Variants in RAD51B observed in about 807,000 individuals in gnomAD.
RAD51B encodes RAD51 paralog B.
RAD51B carries 38 observed loss-of-function variants against 42.2 expected under a neutral mutation model. That is an observed-to-expected ratio of 0.90 (90% CI 0.70 to 1.18). The LOEUF is 1.18. RAD51B is among the 50% of genes most tolerant of loss of function. The probability of loss-of-function intolerance (pLI) is 0.00; values close to 1 mark genes in which losing one functional copy is unlikely to be tolerated. For missense variants in RAD51B, 373 were observed against 400.7 expected, an observed-to-expected ratio of 0.93 and a Z score of 0.59; for synonymous variants, 154 against 145.2, an observed-to-expected ratio of 1.06 and a Z score of -0.43.
intron 4 of RAD51B, among the ~76,000 whole-genome samples, chr14:67,864,363 A>G (rs139171383): frequency 6.6e-6 from 1 of 152,374 alleles, no homozygotes; most frequent in East Asian, 1.9e-4. Context: ...GACATTTCAA[A>G]GTAGGAATCA....
intron 10 of RAD51B, among the ~76,000 whole-genome samples, chr14:68,602,094 C>G (rs1891241087): frequency 6.6e-6 from 1 of 152,048 alleles, no homozygotes; most frequent in African/African-American, 2.4e-5. Flanking sequence ...CCAAAGACCT[C>G]TCTGCACTGT....
intron 10 of RAD51B, among the ~76,000 whole-genome samples, chr14:68,582,094 A>G (rs1470695570): frequency 1.3e-5 from 2 of 152,238 alleles, no homozygotes; most frequent in African/African-American, 4.8e-5. Context: ...GGACATAAGC[A>G]TGGGCAAAGA....
rs978871453 is a variant in RAD51B at position 68,663,733 on chromosome 14, A to G, written c.*11+12877A>G. On this transcript the variant is annotated intron_variant, in intron 11 of 11. Coordinates refer to the RAD51B transcript ENST00000488612. ...GGAGGGAGTGTAGGTGTTGGTGAGA[A>G]TAGCATAAGAGTTAAAGGCACGGAA... Among the ~76,000 whole-genome samples, 8 of 152,124 alleles carry G rather than the reference A, an allele frequency of 5.3e-5. No homozygotes were observed. In the South Asian group the frequency reaches 1.7e-3, roughly 32 times the overall value.
intron 10 of RAD51B, among the ~76,000 whole-genome samples, chr14:68,603,530 G>T (rs1891311101): frequency 6.6e-6 from 1 of 152,034 alleles, no homozygotes; most frequent in African/African-American, 2.4e-5. Flanking sequence ...CGATTTGGGG[G>T]TCTGTTCTCA....
chr14:68,031,690 C>T (rs1472881534), intron 7 of RAD51B, among the ~76,000 whole-genome samples: 1 of 152,086 alleles, frequency 6.6e-6, no homozygotes, highest in Non-Finnish European at 1.5e-5. Context: ...TTCAATGAAT[C>T]AATGAATGAA....
chr14:68,400,726 A>G (rs2140048695), intron 8 of RAD51B, among the ~76,000 whole-genome samples: 1 of 152,360 alleles, frequency 6.6e-6, no homozygotes, highest in Non-Finnish European at 1.5e-5. Flanking sequence ...AGCTAAATTT[A>G]AAGAGAAAGT....
chr14:67,999,836 G>A (rs530270236), intron 7 of RAD51B, among the ~76,000 whole-genome samples: 18 of 152,224 alleles, frequency 1.2e-4, no homozygotes, highest in Non-Finnish European at 8.8e-5. Flanking sequence ...CCTTGAAGGT[G>A]GAGTAGGGTT....
chr14:67,874,019 C>T (rs1436443619), intron 5 of RAD51B, among the ~76,000 whole-genome samples: 2 of 151,374 alleles, frequency 1.3e-5, no homozygotes, highest in African/African-American at 4.9e-5. Flanking sequence ...AGCGCAGCAG[C>T]ATGGCACATG....
chr14:67,843,232 A>G (rs1245001388), intron 4 of RAD51B, among the ~76,000 whole-genome samples: 1 of 129,316 alleles, frequency 7.7e-6, no homozygotes. Context: ...TACATGTGCC[A>G]TGTTGGTGTG....
At chr14:68,294,746 A>T (rs193178158) in intron 8 of RAD51B, among the ~76,000 whole-genome samples, 1 of 152,354 alleles carries the variant, frequency 6.6e-6, no homozygotes, top group East Asian at 1.9e-4. Flanking sequence ...CGTGTTGCTG[A>T]TGTTGCCCTA....
rs186575044 is a variant in RAD51B, at chr14:68,229,311, C to G, written c.757-62573C>G. Among the ~76,000 whole-genome samples the G allele has an allele frequency of 5.1e-3, 769 of 152,230 alleles. 3 individuals are homozygous for G. The highest frequency in any genetic ancestry group is 0.017 in the African/African-American group (722 of 41,546). ...GTTGGAAAACCTGGTCACTATTGGCCTAATTGTACTCTTGGACCACCCATG... is the reference window on the plus strand; with the variant it reads ...GTTGGAAAACCTGGTCACTATTGGCGTAATTGTACTCTTGGACCACCCATG... On this transcript the variant is annotated intron_variant, in intron 7 of 10. Transcript: ENST00000471583.
intron 8 of RAD51B, among the ~76,000 whole-genome samples, chr14:68,311,200 G>C (rs1566800686): frequency 6.6e-6 from 1 of 152,184 alleles, no homozygotes; most frequent in African/African-American, 2.4e-5. Flanking sequence ...CATTTGAGAA[G>C]CAGGCAATGG....
chr14:68,333,214 A>G (rs939272178), intron 8 of RAD51B, among the ~76,000 whole-genome samples: 1 of 152,216 alleles, frequency 6.6e-6, no homozygotes, highest in Admixed American at 6.5e-5. Flanking sequence ...TCATATCATC[A>G]TATGTAAAGA....
At chr14:68,177,179 A>G (rs748448700) in intron 7 of RAD51B, among the ~76,000 whole-genome samples, 14 of 152,222 alleles carry the variant, frequency 9.2e-5, no homozygotes, top group African/African-American at 3.1e-4. Flanking sequence ...CAAACAGCAC[A>G]TAATTCTGTA....
intron 10 of RAD51B, among the ~76,000 whole-genome samples, chr14:68,521,925 G>A (rs1886609220): frequency 6.6e-6 from 1 of 152,178 alleles, no homozygotes; most frequent in African/African-American, 2.4e-5. Context: ...GGGTTGCTGT[G>A]ACTTCACAGC....
At chr14:68,088,688 G>T (rs1166734178) in intron 7 of RAD51B, among the ~76,000 whole-genome samples, 1 of 134,052 alleles carries the variant, frequency 7.5e-6, no homozygotes, top group Non-Finnish European at 1.6e-5. Flanking sequence ...AGAGTGGCGG[G>T]GGATGAAGGA....
intron 7 of RAD51B, among the ~76,000 whole-genome samples, chr14:67,997,379 G>A (rs2075403022): frequency 1.3e-5 from 2 of 152,128 alleles, no homozygotes; most frequent in African/African-American, 2.4e-5. Flanking sequence ...GAAATCAAGA[G>A]TATAGTATTC....
At chr14:68,401,794 T>C (rs1386375611) in intron 8 of RAD51B, among the ~76,000 whole-genome samples, 1 of 152,222 alleles carries the variant, frequency 6.6e-6, no homozygotes, top group Non-Finnish European at 1.5e-5. Flanking sequence ...GAAAGACGAC[T>C]AATAGCTTTA....
At chr14:67,966,654 T>C (rs987120485) in intron 7 of RAD51B, among the ~76,000 whole-genome samples, 1 of 152,212 alleles carries the variant, frequency 6.6e-6, no homozygotes, top group Non-Finnish European at 1.5e-5. Context: ...ATGTTGTGGA[T>C]AGACAAATAG....
Sources: gnomAD v4.1 joint callset for allele counts (sites outside exome capture counted in the v4.1 genomes callset) on GRCh38, gnomAD v4.1.1 for gene constraint, MANE v1.5 for transcripts, NCBI Gene and HGNC (gene_info 2026-07-23, HGNC 2026-07-21) for gene names.